The following RHOU variants were observed in gnomAD, a reference collection of about 807,000 sequenced individuals.
The protein encoded by RHOU is rho-related GTP-binding protein RhoU.
In RHOU, 8 loss-of-function variants were observed where a neutral mutation model predicts 12.6. The ratio of observed to expected loss-of-function variants is 0.64; its 90% CI spans 0.37 to 1.15. The LOEUF (loss-of-function observed/expected upper bound fraction) is 1.15. RHOU is among the 50% of genes most tolerant of loss of function. The pLI, the probability that RHOU is intolerant of heterozygous loss-of-function variation, is 0.01. For synonymous variants in RHOU, 161 were observed against 147.4 expected (o/e 1.09, Z -0.67); for missense variants, 258 against 347.0 (o/e 0.74, Z 2.04).
chr1:228,708,453 A>G, the RHOU span, among the ~76,000 whole-genome samples: 21 of 151,550 alleles, frequency 1.4e-4, no homozygotes, highest in African/African-American at 5.1e-4. Context: ...GACTAACAGC[A>G]GATCTCTCGG....
the RHOU span, among the ~76,000 whole-genome samples, chr1:228,703,139 TA>T: frequency 1.3e-5 from 2 of 152,200 alleles, no homozygotes; most frequent in Non-Finnish European, 2.9e-5. Context: ...TATGTACATT[TA>T]AAACAACAGT....
At chr1:228,695,615 G>T in the RHOU span, among the ~76,000 whole-genome samples, 1 of 152,174 alleles carries the variant, frequency 6.6e-6, no homozygotes, top group Non-Finnish European at 1.5e-5. Context: ...ACAGAACTCA[G>T]TTTACAGGTT....
chr1:228,659,006 T>C, the RHOU span, among the ~76,000 whole-genome samples: 1 of 152,160 alleles, frequency 6.6e-6, no homozygotes, highest in Non-Finnish European at 1.5e-5. Flanking sequence ...GAAAACACAG[T>C]ACAGCAAAAC....
the RHOU span, among the ~76,000 whole-genome samples, chr1:228,728,591 C>G: frequency 1.9e-3 from 282 of 152,282 alleles, no homozygotes; most frequent in South Asian, 6.2e-3. Context: ...GTGATTAGCA[C>G]TGTGCTAAGC....
the RHOU span, among the ~76,000 whole-genome samples, chr1:228,666,941 C>T: frequency 2.0e-5 from 3 of 152,264 alleles, no homozygotes; most frequent in South Asian, 2.1e-4. Context: ...TGACTTTTAG[C>T]GCAAAACATT....
the RHOU span, among the ~76,000 whole-genome samples, chr1:228,688,949 T>A: frequency 1.3e-5 from 2 of 152,264 alleles, no homozygotes; most frequent in Non-Finnish European, 2.9e-5. Context: ...GTGTGTGAGA[T>A]GAGACTGGCA....
chr1:228,664,239 G>C, the RHOU span, among the ~76,000 whole-genome samples: 3 of 94,822 alleles, frequency 3.2e-5, no homozygotes, highest in Non-Finnish European at 5.9e-5. Flanking sequence ...GGCTGGTCTC[G>C]AACTCCTGGG....
At chr1:228,697,358 G>A in the RHOU span, among the ~76,000 whole-genome samples, 1 of 152,194 alleles carries the variant, frequency 6.6e-6, no homozygotes, top group Non-Finnish European at 1.5e-5. Flanking sequence ...AAAGAGACAA[G>A]CACAGAGACC....
chr1:228,663,625 CTTTTTTTTTTTTT>C, the RHOU span, among the ~76,000 whole-genome samples: 4 of 58,762 alleles, frequency 6.8e-5, no homozygotes, highest in Admixed American at 2.5e-4. Context: ...CTTTTCTTTT[CTTTTTTTTTTTTT>C]TTTTTTTTTT....
Position 228,744,083 on chromosome 1 carries a change from A to G in RHOU, c.*343A>G. On this transcript the variant is annotated 3_prime_UTR_variant, in exon 3 of 3. Coordinates refer to ENST00000366691, the MANE Select transcript of RHOU (RefSeq NM_021205.6). ...GAAGTTCTGCTACATTATAATGTAC[A>G]GAAGAGCAAAAGGGAGGAACACTAT... The G allele has an allele frequency of 4.3e-6, 1 of 231,790 alleles. No individual in the cohort carries two copies. The allele number at this position is 231,790 out of a possible 1,614,324, so 14.4% of individuals were successfully genotyped here. A position where few individuals can be genotyped will look rare whatever the true frequency, so the allele number is the denominator to read the frequency against.
the RHOU span, among the ~76,000 whole-genome samples, chr1:228,690,909 C>T: frequency 6.6e-6 from 1 of 152,208 alleles, no homozygotes; most frequent in Non-Finnish European, 1.5e-5. Flanking sequence ...AGCCTCCGTG[C>T]ATGGTGGAAG....
At chr1:228,728,984 CT>C in the RHOU span, among the ~76,000 whole-genome samples, 1 of 151,780 alleles carries the variant, frequency 6.6e-6, no homozygotes, top group Non-Finnish European at 1.5e-5. Flanking sequence ...CAAACTCTGC[CT>C]CCCGGGTTCA....
At chr1:228,710,023 T>G in the RHOU span, among the ~76,000 whole-genome samples, 3 of 152,170 alleles carry the variant, frequency 2.0e-5, no homozygotes, top group Non-Finnish European at 4.4e-5. Context: ...AAGAGAATAC[T>G]ACAAACACCT....
intron 2 of RHOU, among the ~76,000 whole-genome samples, chr1:228,742,914 G>T (rs1269066336): frequency 1.3e-5 from 2 of 152,190 alleles, no homozygotes; most frequent in Non-Finnish European, 2.9e-5. Context: ...TAAGTACCAA[G>T]AGTTGAGAGT....
the RHOU span, among the ~76,000 whole-genome samples, chr1:228,647,039 A>C: frequency 6.6e-6 from 1 of 151,882 alleles, no homozygotes; most frequent in East Asian, 1.9e-4. Context: ...AAGAGTGAGG[A>C]GGAGGGAGCT....
At chr1:228,680,534 C>T in the RHOU span, among the ~76,000 whole-genome samples, 1 of 152,132 alleles carries the variant, frequency 6.6e-6, no homozygotes, top group African/African-American at 2.4e-5. Context: ...CTCAGAAATG[C>T]GTTGCTGTCT....
At chr1:228,668,085 T>C in the RHOU span, among the ~76,000 whole-genome samples, 24 of 152,318 alleles carry the variant, frequency 1.6e-4, no homozygotes, top group East Asian at 2.7e-3. Context: ...TAATCAATCA[T>C]ACCTATGTAA....
rs1473977888 is a variant in RHOU at position 228,737,415 on chromosome 1, CT to C, written c.263-253del. 6.6e-6 allele frequency among the ~76,000 whole-genome samples: 1 copy of C among 152,078 alleles called. No individual in the cohort carries two copies. Among genetic ancestry groups the C allele is most frequent in the Non-Finnish European group, 1.5e-5 (1 of 68,010 alleles). Reference sequence around the variant, plus strand: ...CCAGGACTGGGAGAAAAGCATAGGCCTTTTTAGGGTCACCATCAAAGCGTTC... The same window carrying C: ...CCAGGACTGGGAGAAAAGCATAGGCCTTTTAGGGTCACCATCAAAGCGTTC... On this transcript the variant is annotated intron_variant, in intron 1 of 2. Coordinates refer to ENST00000366691, the MANE Select transcript of RHOU (RefSeq NM_021205.6). This position sits in a 1 kb window ranked among gnomAD's most constrained non-coding sequence, Gnocchi z 4.1.
the RHOU span, among the ~76,000 whole-genome samples, chr1:228,691,883 A>C: frequency 2.0e-5 from 3 of 152,212 alleles, no homozygotes; most frequent in African/African-American, 7.2e-5. Context: ...GTCAATATGA[A>C]GGTTAAAAGA....
Sources: allele counts gnomAD v4.1 joint callset (sites outside exome capture counted in the v4.1 genomes callset), GRCh38; gene constraint gnomAD v4.1.1; non-coding constraint Gnocchi (gnomAD v3.1); transcripts MANE v1.5; gene names NCBI Gene and HGNC (gene_info 2026-07-23, HGNC 2026-07-21).